Variants in OSGEPL1 observed in about 807,000 individuals in gnomAD.
OSGEPL1 encodes O-sialoglycoprotein endopeptidase like 1, also known as tRNA N6-adenosine threonylcarbamoyltransferase, mitochondrial.
OSGEPL1 carries 26 observed loss-of-function variants against 37.2 expected under a neutral mutation model. The observed-to-expected ratio is 0.70, with a 90% confidence interval of 0.51 to 0.97. The LOEUF is 0.97. Among genes scored for constraint, OSGEPL1 ranks in the 50% least tolerant of loss-of-function variants. The pLI, the probability that OSGEPL1 is intolerant of heterozygous loss-of-function variation, is 0.00. For missense variants in OSGEPL1, 404 were observed against 487.0 expected, an observed-to-expected ratio of 0.83 and a Z score of 1.60; for synonymous variants, 140 against 159.9, an observed-to-expected ratio of 0.88 and a Z score of 0.94.
chr2:189,753,120 A>G (rs1479613506), intron 5 of OSGEPL1, 141 bp from the exon 6 acceptor site: 7 of 635,420 alleles, frequency 1.1e-5, no homozygotes, highest in Middle Eastern at 9.2e-4. Context: ...TGACATATCT[A>G]TGTAATAAAA....
intron 5 of OSGEPL1, among the ~76,000 whole-genome samples, chr2:189,753,608 A>G (rs561221147): frequency 6.6e-6 from 1 of 152,326 alleles, no homozygotes; most frequent in South Asian, 2.1e-4. Flanking sequence ...AAGGAAATCC[A>G]CCTATTTTTC....
At chr2:189,759,529 C>G (rs1019644888) in intron 2 of OSGEPL1, among the ~76,000 whole-genome samples, 1 of 152,160 alleles carries the variant, frequency 6.6e-6, no homozygotes, top group Non-Finnish European at 1.5e-5. Context: ...CGATTACAGG[C>G]GTGAGCCACA....
chr2:189,755,634 G>A (rs16831964), intron 2 of OSGEPL1, 74 bp from the exon 3 acceptor site: 3 of 1,468,946 alleles, frequency 2.0e-6, no homozygotes, highest in Non-Finnish European at 2.7e-6. Context: ...ACAGCTAAAA[G>A]CATGTCTTCA....
intron 8 of OSGEPL1, among the ~76,000 whole-genome samples, chr2:189,749,244 TAAAAAAAAAAAAA>T (rs397987026): frequency 1.6e-5 from 1 of 63,254 alleles, no homozygotes; most frequent in South Asian, 8.9e-4. Flanking sequence ...AGACTCTGTC[TAAAAAAAAAAAAA>T]AAAAAAAAAA....
chr2:189,753,117 T>G (rs1195066391), intron 5 of OSGEPL1, 138 bp from the exon 6 acceptor site: 7 of 652,146 alleles, frequency 1.1e-5, no homozygotes, highest in Non-Finnish European at 1.7e-5. Context: ...AGATGACATA[T>G]CTATGTAATA....
chr2:189,759,029 A>G (rs2046538642), intron 2 of OSGEPL1, among the ~76,000 whole-genome samples: 3 of 152,138 alleles, frequency 2.0e-5, no homozygotes, highest in Admixed American at 6.5e-5. Context: ...TCCTTATGCT[A>G]TGCTGCCTTG....
Position 189,752,633 on chromosome 2 carries a change from TC to T in OSGEPL1, c.1166+19del. ...TTAAGTAATGTAACTTGCATAAAGA[TC>T]ATGAATGATACCACATACTTTGGTT... On this transcript the variant is annotated intron_variant, in intron 7 of 8. Transcript: ENST00000264151. The T allele has an allele frequency of 6.2e-7, 1 of 1,612,708 alleles. No homozygotes were observed. The highest frequency in any genetic ancestry group is 8.5e-7 in the Non-Finnish European group (1 of 1,179,290).
chr2:189,757,446 A>G (rs1165524991), intron 2 of OSGEPL1, among the ~76,000 whole-genome samples: 2 of 152,250 alleles, frequency 1.3e-5, no homozygotes, highest in East Asian at 3.8e-4. Context: ...TAGTAGAACT[A>G]CTATTGTTAC....
At chr2:189,761,257 A>G in intron 2 of OSGEPL1, 163 bp downstream of exon 2, 1 of 643,086 alleles carries the variant, frequency 1.6e-6, no homozygotes, top group Non-Finnish European at 2.5e-6. Flanking sequence ...AAGACCCTTA[A>G]AAGCCAGGAT....
Position 189,748,975 on chromosome 2 carries a change from G to C in OSGEPL1, c.*28+1575C>G, listed in dbSNP as rs1235096209. Among the ~76,000 whole-genome samples the C allele has an allele frequency of 2.0e-5, 3 of 152,140 alleles. No homozygotes were observed. In the East Asian group the frequency reaches 5.8e-4, roughly 29 times the overall value. Reference sequence around the variant, plus strand: ...AAGATTATTTTTATTGGCTGGGCATGATGGCTCACACCTGTAATCCCAGCA... The same window carrying C: ...AAGATTATTTTTATTGGCTGGGCATCATGGCTCACACCTGTAATCCCAGCA... On this transcript the variant is annotated intron_variant, in intron 8 of 8. Coordinates refer to ENST00000264151, the MANE Select transcript of OSGEPL1 (RefSeq NM_022353.3).
intron 7 of OSGEPL1, among the ~76,000 whole-genome samples, chr2:189,751,102 C>T (rs966704420): frequency 1.3e-5 from 2 of 152,270 alleles, no homozygotes; most frequent in African/African-American, 4.8e-5. Context: ...CCTTTTCTAC[C>T]ATCCTTTGCC....
At chr2:189,759,551 A>G (rs544897917) in intron 2 of OSGEPL1, among the ~76,000 whole-genome samples, 1 of 152,162 alleles carries the variant, frequency 6.6e-6, no homozygotes, top group South Asian at 2.1e-4. Context: ...CGCCCAGCCA[A>G]TTTTCCTATT....
At position 189,746,880 on chromosome 2, in the gene OSGEPL1, G is replaced by C; in HGVS notation, c.*317C>G. ...TTAAAATTTATTGACTGACATGAGT[G>C]GTATAACTAGTGTATATATCAAGAG... On this transcript the variant is annotated 3_prime_UTR_variant, in exon 9 of 9. Coordinates refer to ENST00000264151, the MANE Select transcript of OSGEPL1 (RefSeq NM_022353.3). 3.3e-6 allele frequency: 1 copy of C among 300,520 alleles called. No homozygotes were observed. The highest frequency in any genetic ancestry group is 6.1e-6 in the Non-Finnish European group (1 of 164,320). 18.6% of individuals were successfully genotyped at this position (300,520 alleles called of 1,614,324 possible). A position where few individuals can be genotyped will look rare whatever the true frequency, so the allele number is the denominator to read the frequency against.
chr2:189,762,490 CATTAACAAA>C (rs2047244167), intron 1 of OSGEPL1, 186 bp downstream of exon 1: 2 of 717,246 alleles, frequency 2.8e-6, no homozygotes, highest in African/African-American at 3.8e-5. Flanking sequence ...ATTAGATTTG[CATTAACAAA>C]ATCTGGACAA....
upstream of OSGEPL1, chr2:189,762,974 C>T: frequency 1.0e-6 from 1 of 985,290 alleles, no homozygotes; most frequent in South Asian, 4.7e-5. Flanking sequence ...GTGACTGATC[C>T]AGCGGAGGCC....
chr2:189,757,918 A>G (rs982836409), intron 2 of OSGEPL1, among the ~76,000 whole-genome samples: 1 of 152,204 alleles, frequency 6.6e-6, no homozygotes, highest in Non-Finnish European at 1.5e-5. Context: ...TTTGCTGACA[A>G]TGCTCACTTA....
intron 2 of OSGEPL1, chr2:189,761,116 T>A (rs2046999168): frequency 9.2e-6 from 2 of 217,008 alleles, no homozygotes; most frequent in Non-Finnish European, 1.8e-5. Flanking sequence ...GGACTTCAGC[T>A]GAGACCATGA....
In OSGEPL1 at chr2:189,752,856, T is replaced by G; in HGVS notation, c.1087A>C (p.Ile363Leu). The G allele has an allele frequency of 6.2e-7, 1 of 1,613,714 alleles. No individual in the cohort carries two copies. The highest frequency in any genetic ancestry group is 8.5e-7 in the Non-Finnish European group (1 of 1,179,766). The change falls in exon 6 of 9, where the codon ATT (isoleucine) becomes CTT (leucine). Residue 363 changes from isoleucine (I) to leucine (L), a missense_variant. Ile to Leu is a conservative substitution (Grantham distance 5). Transcript: ENST00000264151. ...PRLCTDNGIM[I>L]AWNGIERLRA... ...GTATATCCTGTGGCTTACCATGCAA[T>G]CATAATGCCATTATCAGTGCATAGT...
intron 6 of OSGEPL1, 50 bp from the exon 7 acceptor site, chr2:189,752,774 A>G (rs2045477980): frequency 6.2e-7 from 1 of 1,613,434 alleles, no homozygotes. Context: ...ATCTGAAGGA[A>G]GAAGGCTTAG....
Sources: allele counts gnomAD v4.1 joint callset (sites outside exome capture counted in the v4.1 genomes callset), GRCh38; gene constraint gnomAD v4.1.1; transcripts MANE v1.5; gene names NCBI Gene and HGNC (gene_info 2026-07-23, HGNC 2026-07-21).